The following HMCN1 variants were observed in gnomAD, a reference collection of about 807,000 sequenced individuals.
HMCN1 encodes hemicentin-1.
Under a neutral mutation model 625.9 loss-of-function variants are expected in HMCN1, and 321 were observed. The observed-to-expected ratio is 0.51, with a 90% CI of 0.47 to 0.56. The LOEUF is 0.56. HMCN1 is among the 20% of genes least tolerant of loss of function. HMCN1 has a pLI of 0.00. For missense variants in HMCN1, 6,588 were observed against 6,887.3 expected (o/e 0.96, Z 1.54); for synonymous variants, 2,425 against 2,417.6 (o/e 1.00, Z -0.09).
rs545036558 is a variant in HMCN1 at position 185,738,404 on chromosome 1, A to C, written c.268+3357A>C. Among the ~76,000 whole-genome samples, 10 of 152,300 alleles carry C rather than the reference A, an allele frequency of 6.6e-5. No homozygotes were observed. In the South Asian group the frequency reaches 1.0e-3, roughly 16 times the overall value. ...TCTGGACTTTTATACAAGTAGAGTC[A>C]TATTCTATAAGGTCTTTCATGACTG... On this transcript the variant is annotated intron_variant, in intron 1 of 106. Transcript: ENST00000271588.
chr1:185,836,218 A>C (rs1571423179), intron 1 of HMCN1, among the ~76,000 whole-genome samples: 1 of 152,138 alleles, frequency 6.6e-6, no homozygotes, highest in South Asian at 2.1e-4. Flanking sequence ...GCATGAACAC[A>C]ACATGAAGCT....
chr1:185,922,539 T>G (rs368610007), intron 7 of HMCN1, 40 bp downstream of exon 7: 7 of 1,536,452 alleles, frequency 4.6e-6, no homozygotes, highest in South Asian at 1.2e-5. Flanking sequence ...ATAATAGATA[T>G]CCAAATGAAA....
intron 2 of HMCN1, among the ~76,000 whole-genome samples, chr1:185,847,728 G>A (rs2102322552): frequency 6.6e-6 from 1 of 152,204 alleles, no homozygotes; most frequent in East Asian, 1.9e-4. Flanking sequence ...AAAGGCAGGA[G>A]GATCATTTGA....
chr1:185,892,142 G>A (rs1367356863), intron 4 of HMCN1, among the ~76,000 whole-genome samples: 2 of 148,822 alleles, frequency 1.3e-5, no homozygotes, highest in Admixed American at 1.3e-4. Flanking sequence ...TAGTTCTCGA[G>A]CCTTGGTTTT....
At chr1:185,993,142 C>T (rs778945885) in intron 22 of HMCN1, 40 bp from the exon 23 acceptor site, 11 of 1,594,880 alleles carry the variant, frequency 6.9e-6, no homozygotes, top group Admixed American at 1.7e-5. Flanking sequence ...TATTTAAATT[C>T]TCCTCTTCCA....
At position 186,086,388 on chromosome 1, in the gene HMCN1, A is replaced by C. The variant is rs1295153322; in HGVS notation, c.9027A>C (p.Thr3009=). ...ATGAACAGCCCATCAAACTGAACACAAATACTCTCATTGTGCCTGGTAAGG... is the reference window on the plus strand; with the variant it reads ...ATGAACAGCCCATCAAACTGAACACCAATACTCTCATTGTGCCTGGTAAGG... ...LKNEQPIKLN[T]NTLIVPGGRT... is the part of the protein sequence containing the mutation. The change falls in exon 58 of 107, where the codon ACA becomes ACC. Residue 3009 remains threonine, a synonymous_variant. Transcript: ENST00000271588. The C allele has an allele frequency of 6.2e-7, 1 of 1,613,200 alleles. No individual in the cohort carries two copies. The highest frequency in any genetic ancestry group is 1.1e-5 in the South Asian group (1 of 91,076).
intron 89 of HMCN1, among the ~76,000 whole-genome samples, chr1:186,140,290 G>C (rs76801320): frequency 2.6e-5 from 4 of 151,848 alleles, no homozygotes; most frequent in Non-Finnish European, 4.4e-5. Flanking sequence ...GTGTCCCTTT[G>C]GTCTCTTTTA....
At chr1:186,182,337 CAG>C (rs1652985930) in intron 105 of HMCN1, 50 bp downstream of exon 105, 6 of 1,609,118 alleles carry the variant, frequency 3.7e-6, no homozygotes, top group South Asian at 1.1e-5. Context: ...TAAAAACCAA[CAG>C]AGAGTGTGAG....
chr1:186,094,910 G>C (rs1660048973), intron 67 of HMCN1, among the ~76,000 whole-genome samples: 1 of 152,070 alleles, frequency 6.6e-6, no homozygotes, highest in Non-Finnish European at 1.5e-5. Flanking sequence ...ATACTCTATA[G>C]AGTAGTTAAA....
At chr1:186,096,873 G>T (rs1396555834) in intron 68 of HMCN1, among the ~76,000 whole-genome samples, 1 of 151,996 alleles carries the variant, frequency 6.6e-6, no homozygotes, top group Non-Finnish European at 1.5e-5. Flanking sequence ...AACAAATTAG[G>T]GATAGAAGAT....
chr1:186,188,111 A>G (rs892772333), intron 106 of HMCN1, 102 bp downstream of exon 106: 1 of 1,342,440 alleles, frequency 7.4e-7, no homozygotes, highest in Non-Finnish European at 1.1e-6. Flanking sequence ...ACTCACAGGA[A>G]GTCACTAACT....
chr1:186,156,774 T>C (rs557198633), intron 97 of HMCN1, among the ~76,000 whole-genome samples: 12 of 152,312 alleles, frequency 7.9e-5, no homozygotes, highest in Admixed American at 2.0e-4. Context: ...ATGGCACAGC[T>C]ATATAATAAT....
Position 186,175,555 on chromosome 1 carries a change from T to C in HMCN1, c.15943+913T>C, listed in dbSNP as rs181397921. On this transcript the variant is annotated intron_variant, in intron 103 of 106. Transcript: ENST00000271588. ...AGGAATACAGATCATCATTTTAGTC[T>C]TCTATTTAGATATTATCATTTATAT... 2.0e-5 allele frequency among the ~76,000 whole-genome samples: 3 copies of C among 152,284 alleles called. No homozygotes were observed. In the East Asian group the frequency reaches 5.8e-4, roughly 29 times the overall value.
At chr1:186,079,448 G>A (rs539166581) in intron 55 of HMCN1, among the ~76,000 whole-genome samples, 40 of 152,276 alleles carry the variant, frequency 2.6e-4, no homozygotes, top group South Asian at 4.1e-4. Flanking sequence ...GCACAGTGTC[G>A]CAGAGCAGTT....
intron 100 of HMCN1, among the ~76,000 whole-genome samples, chr1:186,170,217 G>A (rs1181562858): frequency 1.3e-5 from 2 of 152,204 alleles, no homozygotes; most frequent in Non-Finnish European, 1.5e-5. Flanking sequence ...TGGAGAGGAG[G>A]TGGAGTGTTT....
intron 4 of HMCN1, among the ~76,000 whole-genome samples, chr1:185,881,519 T>C (rs894855134): frequency 5.3e-5 from 8 of 152,034 alleles, no homozygotes; most frequent in Non-Finnish European, 1.0e-4. Context: ...CGGGGTAGGG[T>C]GGAGCCATGG....
intron 81 of HMCN1, among the ~76,000 whole-genome samples, chr1:186,123,845 T>G (rs1377107680): frequency 6.6e-6 from 1 of 152,152 alleles, no homozygotes; most frequent in Non-Finnish European, 1.5e-5. Context: ...TCAGAGGTAA[T>G]TATTATAATG....
At chr1:186,043,638 A>G (rs528246779) in intron 40 of HMCN1, among the ~76,000 whole-genome samples, 39 of 152,314 alleles carry the variant, frequency 2.6e-4, no homozygotes, top group African/African-American at 8.7e-4. Flanking sequence ...AAACATTTTT[A>G]TACAGTTATG....
intron 1 of HMCN1, among the ~76,000 whole-genome samples, chr1:185,824,555 T>G (rs1481274949): frequency 1.3e-5 from 2 of 152,134 alleles, no homozygotes; most frequent in Non-Finnish European, 2.9e-5. Flanking sequence ...CTGGTTAGAT[T>G]ATCGGGGAGA....
Sources: gnomAD v4.1 joint callset for allele counts (sites outside exome capture counted in the v4.1 genomes callset) on GRCh38, gnomAD v4.1.1 for gene constraint, MANE v1.5 for transcripts, NCBI Gene and HGNC (gene_info 2026-07-23, HGNC 2026-07-21) for gene names.